The following PPP2R3A variants were observed in gnomAD, a reference collection of about 807,000 sequenced individuals.
The protein encoded by PPP2R3A is protein phosphatase 2 regulatory subunit B''alpha.
PPP2R3A carries 80 observed loss-of-function variants against 106.9 expected under a neutral mutation model. That is an observed-to-expected ratio of 0.75 (90% CI 0.62 to 0.90). The LOEUF is 0.90. Ranked by LOEUF, PPP2R3A falls within the 40% of genes least tolerant of loss-of-function variation. The pLI, the probability that PPP2R3A is intolerant of heterozygous loss-of-function variation, is 0.00. For synonymous variants in PPP2R3A, 483 were observed against 468.3 expected (o/e 1.03, Z -0.41); for missense variants, 1,386 against 1,350.4 (o/e 1.03, Z -0.41).
At chr3:136,129,741 T>A (rs1275576909) in intron 13 of PPP2R3A, among the ~76,000 whole-genome samples, 1 of 152,208 alleles carries the variant, frequency 6.6e-6, no homozygotes, top group Non-Finnish European at 1.5e-5. Flanking sequence ...CCAGTATCCC[T>A]GATGAACATC....
intron 3 of PPP2R3A, 92 bp from the exon 4 acceptor site, chr3:136,040,767 C>T: frequency 9.6e-7 from 1 of 1,038,532 alleles, no homozygotes. Flanking sequence ...TCCACTGTGG[C>T]ATGAAGGGTA....
intron 3 of PPP2R3A, among the ~76,000 whole-genome samples, chr3:136,036,530 T>C: frequency 6.6e-6 from 1 of 152,220 alleles, no homozygotes; most frequent in South Asian, 2.1e-4. Flanking sequence ...TCTGGACTGC[T>C]ACTGGGGGTT....
chr3:136,052,361 T>A (rs1221880995), intron 5 of PPP2R3A, among the ~76,000 whole-genome samples: 1 of 152,120 alleles, frequency 6.6e-6, no homozygotes, highest in Non-Finnish European at 1.5e-5. Flanking sequence ...GCACAGTAAC[T>A]ATGTCTCTCT....
chr3:136,010,886 C>G (rs1363120179), intron 2 of PPP2R3A, among the ~76,000 whole-genome samples: 1 of 152,162 alleles, frequency 6.6e-6, no homozygotes, highest in Non-Finnish European at 1.5e-5. Context: ...GATAAACATG[C>G]TACAATTCTC....
At chr3:136,138,479 A>T (rs973351198) in intron 13 of PPP2R3A, among the ~76,000 whole-genome samples, 2 of 152,194 alleles carry the variant, frequency 1.3e-5, no homozygotes, top group Non-Finnish European at 2.9e-5. Flanking sequence ...CAAGTGGTAC[A>T]TATTAGGAAA....
chr3:135,976,197 T>C, intron 1 of PPP2R3A, among the ~76,000 whole-genome samples: 1 of 136,954 alleles, frequency 7.3e-6, no homozygotes, highest in East Asian at 1.9e-4. Flanking sequence ...GAGCTAAGTA[T>C]AACTGTAAGT....
intron 4 of PPP2R3A, 53 bp downstream of exon 4, chr3:136,041,015 A>C: frequency 1.4e-6 from 2 of 1,469,082 alleles, no homozygotes; most frequent in South Asian, 1.2e-5. Context: ...TGTGACCCTC[A>C]TGACATGCTT....
chr3:136,100,526 A>AG (rs1937333258), intron 10 of PPP2R3A, among the ~76,000 whole-genome samples: 1 of 151,896 alleles, frequency 6.6e-6, no homozygotes, highest in Non-Finnish European at 1.5e-5. Flanking sequence ...AAAAAAAAAA[A>AG]AAATTAGTTG....
chr3:136,056,572 G>A lies in PPP2R3A; in HGVS notation c.2469+7211G>A, dbSNP rs7624037. Among the ~76,000 whole-genome samples the A allele has an allele frequency of 3.8e-3, 583 of 151,808 alleles. 5 individuals carry two copies. Among genetic ancestry groups the A allele is most frequent in the African/African-American group, 0.013 (547 of 41,454 alleles). ...TAAAACAAAACCTTTATCTTACACC[G>A]TATATAAAAATCAACTGAAAATGGG... On this transcript the variant is annotated intron_variant, in intron 5 of 13. Transcript: ENST00000264977.
intron 7 of PPP2R3A, chr3:136,079,103 T>G: frequency 2.3e-6 from 1 of 427,592 alleles, no homozygotes; most frequent in Middle Eastern, 4.3e-4. Flanking sequence ...AGGCTAATAA[T>G]ACAACCTTAC....
intron 1 of PPP2R3A, among the ~76,000 whole-genome samples, chr3:135,968,632 C>G (rs79543361): frequency 6.8e-6 from 1 of 147,722 alleles, no homozygotes; most frequent in Non-Finnish European, 1.5e-5. Context: ...AACTTAAGAC[C>G]GACGCCTGGG....
chr3:136,078,162 A>C (rs1004966826), intron 6 of PPP2R3A, among the ~76,000 whole-genome samples: 2 of 152,192 alleles, frequency 1.3e-5, no homozygotes, highest in African/African-American at 4.8e-5. Context: ...AATTTTTTTT[A>C]TTCTTCTTGG....
intron 1 of PPP2R3A, among the ~76,000 whole-genome samples, chr3:135,967,951 A>AG (rs1937137248): frequency 6.6e-6 from 1 of 152,192 alleles, no homozygotes; most frequent in Non-Finnish European, 1.5e-5. Context: ...CACTCCACAC[A>AG]CACAGTTGTG....
chr3:136,120,133 CG>C (rs567774057), intron 13 of PPP2R3A, among the ~76,000 whole-genome samples: 5 of 103,504 alleles, frequency 4.8e-5, no homozygotes, highest in East Asian at 2.6e-4. Flanking sequence ...CAGGCCTGTC[CG>C]GGGGGGGTGG....
intron 1 of PPP2R3A, among the ~76,000 whole-genome samples, chr3:135,988,465 T>G (rs1298906682): frequency 6.6e-6 from 1 of 152,086 alleles, no homozygotes; most frequent in Non-Finnish European, 1.5e-5. Context: ...CTTCTACTCT[T>G]GTCCCCTGTA....
chr3:136,057,221 CTG>C (rs1219986596), intron 5 of PPP2R3A, among the ~76,000 whole-genome samples: 4 of 152,162 alleles, frequency 2.6e-5, no homozygotes, highest in African/African-American at 9.6e-5. Context: ...TATCTGCACT[CTG>C]TGTTTATTGC....
chr3:136,068,385 G>T (rs1936325187), intron 5 of PPP2R3A, among the ~76,000 whole-genome samples: 1 of 152,164 alleles, frequency 6.6e-6, no homozygotes, highest in African/African-American at 2.4e-5. Context: ...GGGCATGGTG[G>T]CACACGCCTG....
In PPP2R3A at chr3:136,003,056, TC is replaced by T; in HGVS notation, c.1559del (p.Ser520TyrfsTer8). 1 of 1,612,338 alleles carries T rather than the reference TC, an allele frequency of 6.2e-7. No homozygotes were observed. On this transcript the variant is annotated frameshift_variant, in exon 2 of 14. Transcript: ENST00000264977. LOFTEE classifies it high-confidence loss of function. ...ATTGTTAATGGATTTGGAATCTTTTTCACAGAAGATGGAGACCTCTCTAAGA... is the reference window on the plus strand; with the variant it reads ...ATTGTTAATGGATTTGGAATCTTTTTACAGAAGATGGAGACCTCTCTAAGA... ...DKLLMDLESF[S>X]QKMETSLREP... is the part of the protein sequence containing the mutation.
At chr3:136,055,047 T>TA in intron 5 of PPP2R3A, 1 of 309,824 alleles carries the variant, frequency 3.2e-6, no homozygotes, top group Admixed American at 4.5e-5. Flanking sequence ...TAATAAAAGT[T>TA]AATGTTTATA....
Sources: gnomAD v4.1 joint callset for allele counts (sites outside exome capture counted in the v4.1 genomes callset) on GRCh38, gnomAD v4.1.1 for gene constraint, MANE v1.5 for transcripts, NCBI Gene and HGNC (gene_info 2026-07-23, HGNC 2026-07-21) for gene names.